The following SFMBT2 variants were observed in gnomAD, a reference collection of about 807,000 sequenced individuals.
SFMBT2 encodes scm-like with four MBT domains protein 2.
A neutral mutation model predicts 110.1 loss-of-function variants in SFMBT2; 38 were observed. The ratio of observed to expected loss-of-function variants is 0.35; its 90% CI spans 0.27 to 0.45. The LOEUF is 0.45. Among genes scored for constraint, SFMBT2 ranks in the 20% least tolerant of loss-of-function variants. The pLI is 1.00. For synonymous variants in SFMBT2, 425 were observed against 425.4 expected, an observed-to-expected ratio of 1.00 and a Z score of 0.01; for missense variants, 1,011 against 1,094.9, an observed-to-expected ratio of 0.92 and a Z score of 1.08.
intron 8 of SFMBT2, chr10:7,244,249 C>T (rs1222776260): frequency 8.2e-6 from 2 of 243,644 alleles, no homozygotes; most frequent in Non-Finnish European, 1.3e-5. Flanking sequence ...ACCCCCAATG[C>T]CATGTTTAAG....
intron 7 of SFMBT2, among the ~76,000 whole-genome samples, chr10:7,254,750 C>A (rs1840940062): frequency 7.2e-5 from 11 of 152,078 alleles, no homozygotes; most frequent in Admixed American, 7.2e-4. Flanking sequence ...ATCGCTTGAA[C>A]CCGGGAGGTG....
At chr10:7,232,668 A>G (rs1840138692) in intron 9 of SFMBT2, among the ~76,000 whole-genome samples, 1 of 152,218 alleles carries the variant, frequency 6.6e-6, no homozygotes, top group African/African-American at 2.4e-5. Flanking sequence ...TTAATAATAA[A>G]TATTACAATA....
chr10:7,320,633 A>C, intron 4 of SFMBT2: 2 of 983,488 alleles, frequency 2.0e-6, no homozygotes, highest in Non-Finnish European at 2.4e-6. Context: ...TCTTACCACC[A>C]TTCTGGGAGG....
intron 11 of SFMBT2, among the ~76,000 whole-genome samples, chr10:7,219,297 A>T (rs1281905250): frequency 6.6e-6 from 1 of 152,174 alleles, no homozygotes; most frequent in Non-Finnish European, 1.5e-5. Context: ...TCTACTTGAA[A>T]ACCTACTAAG....
Position 7,172,837 on chromosome 10 carries a change from T to C in SFMBT2, c.1985-176A>G, listed in dbSNP as rs982631854. 1.3e-5 allele frequency among the ~76,000 whole-genome samples: 2 copies of C among 152,204 alleles called. No individual in the cohort carries two copies. Among genetic ancestry groups the C allele is most frequent in the Non-Finnish European group, 2.9e-5 (2 of 68,038 alleles). ...AAGCACTGCTCCAAAGCTTCAGGTC[T>C]GGAAGGTGTTCGGGCTGAACTTGGC... On this transcript the variant is annotated intron_variant, in intron 17 of 20. Coordinates refer to ENST00000397167, the MANE Select transcript of SFMBT2 (RefSeq NM_001387889.1). The surrounding 1 kb of genome is among the most constrained non-coding windows in gnomAD (Gnocchi z 4.6).
Position 7,197,923 on chromosome 10 carries a change from C to T in SFMBT2, c.1559-236G>A, listed in dbSNP as rs746445813. The T allele has an allele frequency of 6.9e-4, 657 of 953,554 alleles. 1 individual carries two copies. Among genetic ancestry groups the T allele is most frequent in the Non-Finnish European group, 8.0e-4 (637 of 801,026 alleles). The allele number at this position is 953,554 out of a possible 1,614,324, so 59.1% of individuals were successfully genotyped here. On this transcript the variant is annotated intron_variant, in intron 14 of 20. Transcript: ENST00000397167. ...AGGAGGCCACACTCTAGTTCCAAATCGTGACAAAGCAGCAGAGAAAAACAG... is the reference window on the plus strand; with the variant it reads ...AGGAGGCCACACTCTAGTTCCAAATTGTGACAAAGCAGCAGAGAAAAACAG...
rs772708514 is a variant in SFMBT2 at position 7,172,588 on chromosome 10, G to C, written c.2058C>G (p.Pro686=). The change falls in exon 18 of 21, where the codon CCC becomes CCG. Residue 686 remains proline, a synonymous_variant. Coordinates refer to ENST00000397167, the MANE Select transcript of SFMBT2 (RefSeq NM_001387889.1). The surrounding 1 kb of genome is among the most constrained non-coding windows in gnomAD (Gnocchi z 4.6). ...GTCGCTTCCTCCGCCTGGCGGGTTT[G>C]GGGTGTCCGCTGTCGGGGTTGCTTT... ...IGESNPDSGH[P]KPARRRKRRK... The C allele has an allele frequency of 1.2e-5, 20 of 1,614,090 alleles. No individual in the cohort carries two copies. The highest frequency in any genetic ancestry group is 4.4e-5 in the South Asian group (4 of 91,090).
intron 4 of SFMBT2, among the ~76,000 whole-genome samples, chr10:7,363,185 T>A (rs1844779275): frequency 6.6e-6 from 1 of 152,098 alleles, no homozygotes; most frequent in East Asian, 1.9e-4. Flanking sequence ...ATTCTCAGGA[T>A]AGTAAGTCTC....
chr10:7,300,528 C>A (rs1166592798), intron 4 of SFMBT2, among the ~76,000 whole-genome samples: 2 of 152,204 alleles, frequency 1.3e-5, no homozygotes, highest in Non-Finnish European at 2.9e-5. Flanking sequence ...CCCCTTCACA[C>A]ATACTTTAGA....
intron 15 of SFMBT2, 147 bp downstream of exon 15, chr10:7,197,401 T>G: frequency 9.0e-7 from 1 of 1,116,824 alleles, no homozygotes; most frequent in Admixed American, 2.4e-5. Context: ...TATCTCTGGC[T>G]TCAGCCCACA....
At chr10:7,299,785 C>T (rs888706548) in intron 4 of SFMBT2, among the ~76,000 whole-genome samples, 1 of 151,594 alleles carries the variant, frequency 6.6e-6, no homozygotes, top group African/African-American at 2.4e-5. Flanking sequence ...ATTTATATAC[C>T]CAAAGGAATA....
intron 6 of SFMBT2, among the ~76,000 whole-genome samples, chr10:7,282,133 A>T (rs1841962844): frequency 6.6e-6 from 1 of 152,204 alleles, no homozygotes; most frequent in Non-Finnish European, 1.5e-5. Flanking sequence ...GCCCCCAAGA[A>T]GTCTTCAGTT....
chr10:7,298,943 G>A (rs1421543513), intron 4 of SFMBT2, among the ~76,000 whole-genome samples: 3 of 152,144 alleles, frequency 2.0e-5, no homozygotes, highest in African/African-American at 7.2e-5. Flanking sequence ...GGTCATGGTG[G>A]CTCACATCTG....
At chr10:7,373,928 G>A (rs1043402537) in intron 2 of SFMBT2, among the ~76,000 whole-genome samples, 1 of 152,120 alleles carries the variant, frequency 6.6e-6, no homozygotes, top group Non-Finnish European at 1.5e-5. Flanking sequence ...GCTGAAAAAC[G>A]GGACAAGTTG....
At chr10:7,204,315 G>A in intron 12 of SFMBT2, 1 of 983,858 alleles carries the variant, frequency 1.0e-6, no homozygotes, top group Non-Finnish European at 1.2e-6. Context: ...CTATGCAATG[G>A]AACTGTGTTT....
At chr10:7,330,341 C>T (rs928489054) in intron 4 of SFMBT2, among the ~76,000 whole-genome samples, 6 of 152,198 alleles carry the variant, frequency 3.9e-5, no homozygotes, top group South Asian at 2.1e-4. Flanking sequence ...GGTCCACCCG[C>T]GCTTCAGCAC....
chr10:7,225,595 T>C (rs1447366718), intron 10 of SFMBT2, among the ~76,000 whole-genome samples: 1 of 152,186 alleles, frequency 6.6e-6, no homozygotes, highest in Non-Finnish European at 1.5e-5. Flanking sequence ...GGACAAATCC[T>C]GAAAGCTCAG....
chr10:7,383,200 A>C (rs1845476710), intron 1 of SFMBT2, among the ~76,000 whole-genome samples: 1 of 152,160 alleles, frequency 6.6e-6, no homozygotes, highest in South Asian at 2.1e-4. Flanking sequence ...GGTTTTGTCA[A>C]AATTGAAGAT....
chr10:7,394,845 T>C (rs758941270), intron 1 of SFMBT2, among the ~76,000 whole-genome samples: 9 of 152,026 alleles, frequency 5.9e-5, no homozygotes, highest in Non-Finnish European at 1.2e-4. Context: ...TAGCCTGCAG[T>C]CTCACCTCCC....
Sources: gnomAD v4.1 joint callset for allele counts (sites outside exome capture counted in the v4.1 genomes callset) on GRCh38, gnomAD v4.1.1 for gene constraint, Gnocchi (gnomAD v3.1) non-coding constraint, MANE v1.5 for transcripts, NCBI Gene and HGNC (gene_info 2026-07-23, HGNC 2026-07-21) for gene names.